Variants in LRP1B observed in about 807,000 individuals in gnomAD.
LRP1B encodes LDL receptor related protein 1B, also known as low-density lipoprotein receptor-related protein 1B.
LRP1B carries 217 observed loss-of-function variants against 556.6 expected under a neutral mutation model. The observed-to-expected ratio is 0.39, with a 90% CI of 0.35 to 0.44. LRP1B has a LOEUF of 0.44. Among genes scored for constraint, LRP1B ranks in the 20% least tolerant of loss-of-function variants. The probability of loss-of-function intolerance (pLI) is 1.00; values close to 1 mark genes in which losing one functional copy is unlikely to be tolerated. For missense variants in LRP1B, 5,053 were observed against 5,620.8 expected (o/e 0.90, Z 3.23); for synonymous variants, 2,047 against 1,865.8 (o/e 1.10, Z -2.50).
intron 11 of LRP1B, among the ~76,000 whole-genome samples, chr2:141,038,220 C>T (rs1698594536): frequency 6.6e-6 from 1 of 151,994 alleles, no homozygotes; most frequent in South Asian, 2.1e-4. Flanking sequence ...AATACGCCCT[C>T]CAGTCCTTCT....
chr2:141,278,071 C>G (rs144261793), intron 3 of LRP1B, among the ~76,000 whole-genome samples: 1 of 152,088 alleles, frequency 6.6e-6, no homozygotes, highest in African/African-American at 2.4e-5. Context: ...TATTTTGATT[C>G]GTGAGCATGA....
At chr2:140,321,934 T>C in intron 82 of LRP1B, 29 bp downstream of exon 82, 1 of 1,591,794 alleles carries the variant, frequency 6.3e-7, no homozygotes, top group Non-Finnish European at 8.5e-7. Context: ...GATTAATTCA[T>C]TATTTACAGA....
intron 7 of LRP1B, among the ~76,000 whole-genome samples, chr2:141,126,039 T>TTTA (rs1553463808): frequency 3.2e-5 from 2 of 62,262 alleles, no homozygotes; most frequent in African/African-American, 7.8e-5. Context: ...TTCCTTTTAT[T>TTTA]TTTTTTTTTT....
intron 2 of LRP1B, among the ~76,000 whole-genome samples, chr2:141,613,928 C>T (rs1688197705): frequency 6.6e-6 from 1 of 151,166 alleles, no homozygotes; most frequent in African/African-American, 2.4e-5. Context: ...CAAAAATCAG[C>T]CAGGTGTAGT....
At chr2:141,685,329 G>A (rs191956283) in intron 2 of LRP1B, among the ~76,000 whole-genome samples, 1 of 152,154 alleles carries the variant, frequency 6.6e-6, no homozygotes. Context: ...CTTTTGATCT[G>A]ACAAAATTTA....
intron 1 of LRP1B, among the ~76,000 whole-genome samples, chr2:141,991,706 A>C (rs1409774051): frequency 2.0e-5 from 3 of 152,076 alleles, no homozygotes; most frequent in Admixed American, 2.0e-4. Context: ...AACTTACATA[A>C]GGAGGAGGAA....
chr2:141,422,692 C>T (rs972571934), intron 3 of LRP1B, among the ~76,000 whole-genome samples: 2 of 152,168 alleles, frequency 1.3e-5, no homozygotes, highest in Non-Finnish European at 2.9e-5. Context: ...ACATTTATGG[C>T]TATATACTTG....
At chr2:140,996,273 T>C (rs1697242542) in intron 15 of LRP1B, among the ~76,000 whole-genome samples, 1 of 152,050 alleles carries the variant, frequency 6.6e-6, no homozygotes, top group Admixed American at 6.6e-5. Flanking sequence ...TCAGTAGTTA[T>C]ATCACAAAGA....
At chr2:141,887,791 A>G (rs1699171859) in intron 1 of LRP1B, among the ~76,000 whole-genome samples, 1 of 152,228 alleles carries the variant, frequency 6.6e-6, no homozygotes, top group Non-Finnish European at 1.5e-5. Context: ...ACAATTAGTT[A>G]TACTTGCCAT....
intron 2 of LRP1B, among the ~76,000 whole-genome samples, chr2:141,554,306 A>G: frequency 6.8e-6 from 1 of 146,934 alleles, no homozygotes; most frequent in East Asian, 2.1e-4. Context: ...GATTATATAT[A>G]TCTATAGGAA....
chr2:140,802,160 G>A (rs1690536723), intron 32 of LRP1B, among the ~76,000 whole-genome samples: 1 of 152,158 alleles, frequency 6.6e-6, no homozygotes, highest in African/African-American at 2.4e-5. Flanking sequence ...CAATTTTCCA[G>A]TGGTTGTCAA....
At chr2:142,097,177 T>C (rs1264445046) in intron 1 of LRP1B, among the ~76,000 whole-genome samples, 1 of 151,696 alleles carries the variant, frequency 6.6e-6, no homozygotes, top group East Asian at 1.9e-4. Context: ...GGATGATTCT[T>C]TATGCATAAC....
chr2:141,306,581 CT>C lies in LRP1B; in HGVS notation c.344-51941del, dbSNP rs1181587570. 5.3e-5 allele frequency among the ~76,000 whole-genome samples: 8 copies of C among 152,028 alleles called. No individual in the cohort carries two copies. The East Asian group carries it at 1.5e-3, about 29-fold the overall frequency. On this transcript the variant is annotated intron_variant, in intron 3 of 90. Transcript: ENST00000389484. The stretch of plus-strand genomic sequence containing the variant: ...TTGCTGATCTTTTCAAATAACTAAC[CT>C]TTCACTTTGTAGACAGTTTGCATTT...
rs141719506 is a variant in LRP1B at position 140,283,243 on chromosome 2, CT to C, written c.12968-8646del. On this transcript the variant is annotated intron_variant, in intron 84 of 90. Coordinates refer to ENST00000389484, the MANE Select transcript of LRP1B (RefSeq NM_018557.3). ...AAAAGACTTAATATTGGGATTTATCCTTTTTTACATTCCTCAAATGTTTTAC... is the reference window on the plus strand; with the variant it reads ...AAAAGACTTAATATTGGGATTTATCCTTTTTACATTCCTCAAATGTTTTAC... Among the ~76,000 whole-genome samples, 1,486 of 151,590 alleles carry C rather than the reference CT, an allele frequency of 9.8e-3. 62 individuals carry two copies. In the East Asian group the frequency reaches 0.13, roughly 14 times the overall value.
chr2:141,976,522 A>G (rs958404253), intron 1 of LRP1B, among the ~76,000 whole-genome samples: 5 of 152,276 alleles, frequency 3.3e-5, no homozygotes, highest in Middle Eastern at 3.4e-3. Flanking sequence ...TCACAGCCCT[A>G]TGAATCTTGT....
In LRP1B at chr2:140,702,602, T is replaced by C. The variant is rs368894125; in HGVS notation, c.6024-49A>G. ...AGTGTTTATGTACATTTATTTGTAG[T>C]ATGCAGAGCTATGCAAAAAGACATT... is the stretch of plus-strand genomic sequence containing the variant. On this transcript the variant is annotated intron_variant, in intron 37 of 90. Transcript: ENST00000389484. 9 of 1,536,818 alleles carry C rather than the reference T, an allele frequency of 5.9e-6. No individual in the cohort carries two copies. The African/African-American group carries it at 1.2e-4, about 21-fold the overall frequency.
chr2:141,874,084 ATTTTTTTTTT>A (rs200281267), intron 1 of LRP1B, among the ~76,000 whole-genome samples: 116 of 103,134 alleles, frequency 1.1e-3, no homozygotes, highest in South Asian at 6.6e-3. Context: ...TGAACTAACA[ATTTTTTTTTT>A]TTTTTTTTTT....
chr2:140,900,025 C>A (rs1206404132), intron 23 of LRP1B, among the ~76,000 whole-genome samples: 1 of 151,978 alleles, frequency 6.6e-6, no homozygotes, highest in Non-Finnish European at 1.5e-5. Context: ...CTATGATTTT[C>A]TCTTGTTAAC....
chr2:140,849,390 A>G (rs1228300204), intron 29 of LRP1B, among the ~76,000 whole-genome samples: 1 of 58,928 alleles, frequency 1.7e-5, no homozygotes, highest in Non-Finnish European at 4.6e-5. Flanking sequence ...AACAAAAAAC[A>G]AAAAACAAAA....
Sources: gnomAD v4.1 joint callset for allele counts (sites outside exome capture counted in the v4.1 genomes callset) on GRCh38, gnomAD v4.1.1 for gene constraint, MANE v1.5 for transcripts, NCBI Gene and HGNC (gene_info 2026-07-23, HGNC 2026-07-21) for gene names.